Variants in ACIN1 observed in about 807,000 individuals in gnomAD.
The protein encoded by ACIN1 is apoptotic chromatin condensation inducer 1, also known as apoptotic chromatin condensation inducer in the nucleus.
Under a neutral mutation model 146.6 loss-of-function variants are expected in ACIN1, and 16 were observed. That is an observed-to-expected ratio of 0.11 (90% CI 0.07 to 0.17). ACIN1 has a LOEUF of 0.17. ACIN1 is among the 10% of genes least tolerant of loss of function. ACIN1 has a pLI of 1.00. For missense variants in ACIN1, 1,357 were observed against 1,609.3 expected (o/e 0.84, Z 2.68); for synonymous variants, 569 against 582.7 (o/e 0.98, Z 0.34).
At position 23,061,408 on chromosome 14, in the gene ACIN1, C is replaced by T. The variant is rs1566730855; in HGVS notation, c.3314G>A (p.Arg1105His). The T allele has an allele frequency of 6.2e-7, 1 of 1,614,056 alleles. No individual in the cohort carries two copies. The highest frequency in any genetic ancestry group is 1.1e-5 in the South Asian group (1 of 91,080). Residue 1105 changes from arginine to histidine, a missense_variant, in exon 17 of 19, where the codon CGT becomes CAT. Physicochemically the swap from Arg to His is conservative, Grantham distance 29. This residue lies in a region of ACIN1 where 509 missense variants were observed against 719.6 expected (regional missense o/e 0.71). Transcript: ENST00000605057. ...MERRERTRSE[R>H]EWDRDKVREG... is the part of the protein sequence containing the mutation. Reference sequence around the variant, plus strand: ...TCGAACTTTGTCCCGATCCCATTCACGCTCTGATCGAGTCCGCTCCCGCCG... The same window carrying T: ...TCGAACTTTGTCCCGATCCCATTCATGCTCTGATCGAGTCCGCTCCCGCCG...
intron 8 of ACIN1, 33 bp from the exon 9 acceptor site, chr14:23,069,650 G>C: frequency 8.0e-7 from 1 of 1,244,856 alleles, no homozygotes; most frequent in Non-Finnish European, 1.2e-6. Flanking sequence ...GTGGGGGGGC[G>C]GGCAGAAAAG....
In ACIN1 at chr14:23,063,511, C is replaced by A; in HGVS notation, c.2662G>T (p.Ala888Ser). The A allele has an allele frequency of 6.2e-7, 1 of 1,614,162 alleles. No individual in the cohort carries two copies. Residue 888 changes from alanine to serine, a missense_variant, in exon 13 of 19, where the codon GCA (alanine) becomes TCA (serine). By Grantham distance (99) the Ala-to-Ser change is moderately conservative (BLOSUM62 1). This residue lies in a region of ACIN1 where 509 missense variants were observed against 719.6 expected (regional missense o/e 0.71). Coordinates refer to ENST00000605057, the MANE Select transcript of ACIN1 (RefSeq NM_001386863.1). Reference protein sequence around the residue: ...EEEEEEKEPEAEPPVPPQVSV... With the variant: ...EEEEEEKEPESEPPVPPQVSV... ...ACCTGGGGAGGTACAGGAGGTTCTG[C>A]TTCAGGTTCCTTCTCTTCTTCCTCT...
intron 8 of ACIN1, chr14:23,071,590 G>T (rs773452973): frequency 2.0e-6 from 3 of 1,536,944 alleles, no homozygotes; most frequent in Non-Finnish European, 2.6e-6. Flanking sequence ...GTGTGCGGAT[G>T]GGGGAGGGCC....
Position 23,068,274 on chromosome 14 carries a change from C to T in ACIN1, c.2265+1202G>A, listed in dbSNP as rs1312995483. 2 of 985,776 alleles carry T rather than the reference C, an allele frequency of 2.0e-6. No individual in the cohort carries two copies. The highest frequency in any genetic ancestry group is 2.4e-6 in the Non-Finnish European group (2 of 829,974). The allele number at this position is 985,776 out of a possible 1,614,324, so 61.1% of individuals were successfully genotyped here. On this transcript the variant is annotated intron_variant, in intron 9 of 18. Transcript: ENST00000605057. The surrounding 1 kb of genome is among the most constrained non-coding windows in gnomAD (Gnocchi z 4.3). ...GGTCTTGGTGCCCTAGATGGGGATC[C>T]CAACAGTCTGTAGCAAACAAGGCAA...
At position 23,064,448 on chromosome 14, in the gene ACIN1, C is replaced by T. The variant is rs766152645; in HGVS notation, c.2349G>A (p.Glu783=). 2 of 1,614,272 alleles carry T rather than the reference C, an allele frequency of 1.2e-6. No homozygotes were observed. Among genetic ancestry groups the T allele is most frequent in the Non-Finnish European group, 1.7e-6 (2 of 1,180,052 alleles). The change falls in exon 11 of 19, where the codon GAG becomes GAA. Residue 783 remains glutamate (E), a synonymous_variant. Transcript: ENST00000605057. ...GTCGTTTCCGACCAGGCTGGCCCCC[C>T]TCTGTGTCACTGTTTCCAGCTGGCA... ...KGVPAGNSDT[E]GGQPGRKRRW...
intron 1 of ACIN1, chr14:23,094,700 A>AG (rs1049815524): frequency 1.5e-5 from 10 of 657,208 alleles, no homozygotes; most frequent in Non-Finnish European, 2.3e-5. Context: ...ACAAACAAGG[A>AG]GGGGGTGGGG....
chr14:23,061,739 C>T lies in ACIN1; in HGVS notation c.3100-117G>A, dbSNP rs866290206. On this transcript the variant is annotated intron_variant, in intron 16 of 18. Coordinates refer to ENST00000605057, the MANE Select transcript of ACIN1 (RefSeq NM_001386863.1). ...CTGTAATCCCAGCACTTTGGGAGGC[C>T]AAGGCGGTCAGATCACGAGGTCAGG... is the stretch of plus-strand genomic sequence containing the variant. 1,485 of 888,024 alleles carry T rather than the reference C, an allele frequency of 1.7e-3. 25 individuals are homozygous for T. The African/African-American group carries it at 0.022, about 13-fold the overall frequency. The allele number at this position is 888,024 out of a possible 1,614,324, so 55.0% of individuals were successfully genotyped here.
intron 4 of ACIN1, among the ~76,000 whole-genome samples, chr14:23,083,692 G>A (rs1244662005): frequency 6.6e-6 from 1 of 151,788 alleles, no homozygotes; most frequent in African/African-American, 2.4e-5. Flanking sequence ...TCGCGCCACT[G>A]CACTCCAGCC....
At position 23,075,633 on chromosome 14, in the gene ACIN1, T is replaced by C. The variant is rs2047780591; in HGVS notation, c.2123+2518A>G. Among the ~76,000 whole-genome samples the C allele has an allele frequency of 2.6e-5, 4 of 151,342 alleles. No individual in the cohort carries two copies. The South Asian group carries it at 8.4e-4, about 32-fold the overall frequency. ...TTTTTTTTTTTTAACACTTTACTGC[T>C]CTGTTTTTTAAAGTCATATGACTTC... On this transcript the variant is annotated intron_variant, in intron 8 of 18. Coordinates refer to ENST00000605057, the MANE Select transcript of ACIN1 (RefSeq NM_001386863.1).
chr14:23,095,560 AGTAGT>A (rs1395496087), upstream of ACIN1: 1 of 462,638 alleles, frequency 2.2e-6, no homozygotes. Context: ...AAGCTGCCGC[AGTAGT>A]TGGAGTCTAA....
chr14:23,086,078 A>C (rs1246098228), intron 4 of ACIN1, among the ~76,000 whole-genome samples: 2 of 152,250 alleles, frequency 1.3e-5, no homozygotes, highest in African/African-American at 4.8e-5. Flanking sequence ...GAGATCGAAG[A>C]AAAGCCTGTG....
In ACIN1 at chr14:23,080,252, T is replaced by C. The variant is rs757318903; in HGVS notation, c.1083A>G (p.Leu361=). The stretch of plus-strand genomic sequence containing the variant: ...GTGGTGGAGAAGATGCTTCCTTTGT[T>C]AGTAAAGGTGGAGGAGTCTCCTCCT... ...ASEEETPPPL[L]TKEASSPPPH... The change falls in exon 6 of 19, where the codon CTA becomes CTG. Residue 361 remains leucine, a synonymous_variant. Coordinates refer to ENST00000605057, the MANE Select transcript of ACIN1 (RefSeq NM_001386863.1). The C allele has an allele frequency of 5.6e-6, 9 of 1,614,088 alleles. No individual in the cohort carries two copies. Among genetic ancestry groups the C allele is most frequent in the South Asian group, 5.5e-5 (5 of 91,084 alleles).
rs1374767576 is a variant in ACIN1 at position 23,067,557 on chromosome 14, T to A, written c.2266-1549A>T. ...CCCAGTTTCCATGATGTCAAGACAG[T>A]TCACTGGCGGTGGCCAGGCTCAGCG... On this transcript the variant is annotated intron_variant, in intron 9 of 18. Transcript: ENST00000605057. The surrounding 1 kb of genome is among the most constrained non-coding windows in gnomAD (Gnocchi z 4.6). 1.0e-6 allele frequency: 1 copy of A among 985,696 alleles called. No homozygotes were observed. Among genetic ancestry groups the A allele is most frequent in the Non-Finnish European group, 1.2e-6 (1 of 830,064 alleles). The allele number at this position is 985,696 out of a possible 1,614,324, so 61.1% of individuals were successfully genotyped here. A position where few individuals can be genotyped will look rare whatever the true frequency, so the allele number is the denominator to read the frequency against.
chr14:23,064,606 T>G, intron 10 of ACIN1, 118 bp from the exon 11 acceptor site: 1 of 1,419,912 alleles, frequency 7.0e-7, no homozygotes, highest in Non-Finnish European at 9.5e-7. Flanking sequence ...CTTAAAGAAA[T>G]CATATTTGGA....
At chr14:23,070,462 C>G (rs774272769) in intron 8 of ACIN1, among the ~76,000 whole-genome samples, 1 of 152,102 alleles carries the variant, frequency 6.6e-6, no homozygotes, top group Non-Finnish European at 1.5e-5. Flanking sequence ...AGGACACACC[C>G]TCCCCCACAC....
At chr14:23,074,817 G>A (rs2047757153) in intron 8 of ACIN1, among the ~76,000 whole-genome samples, 1 of 152,190 alleles carries the variant, frequency 6.6e-6, no homozygotes, top group South Asian at 2.1e-4. Context: ...ATGTGAATAT[G>A]AGATTCAGAG....
At position 23,061,196 on chromosome 14, in the gene ACIN1, A is replaced by T. The variant is rs1202174058; in HGVS notation, c.3425-12T>A. On this transcript the variant is annotated splice_polypyrimidine_tract_variant and intron_variant, in intron 17 of 18. Coordinates refer to ENST00000605057, the MANE Select transcript of ACIN1 (RefSeq NM_001386863.1). ...CTCCTGGGCTTTCTCTGAGGTGGAA[A>T]AAAGTGAACCAGATATGATGCATCT... 1 of 1,614,034 alleles carries T rather than the reference A, an allele frequency of 6.2e-7. No homozygotes were observed. The highest frequency in any genetic ancestry group is 8.5e-7 in the Non-Finnish European group (1 of 1,180,032).
At chr14:23,095,336 C>A, upstream of ACIN1, 7 of 1,548,522 alleles carry the variant, frequency 4.5e-6, no homozygotes, top group Non-Finnish European at 5.3e-6. Flanking sequence ...CTTTTCTCGC[C>A]CTGCTTTCAG....
intron 8 of ACIN1, among the ~76,000 whole-genome samples, chr14:23,074,117 C>T (rs1448280196): frequency 1.3e-5 from 2 of 151,730 alleles, no homozygotes; most frequent in Non-Finnish European, 2.9e-5. Context: ...GGATCACAGG[C>T]GTGAGCCATC....
Sources: allele counts gnomAD v4.1 joint callset (sites outside exome capture counted in the v4.1 genomes callset), GRCh38; gene constraint gnomAD v4.1.1; regional missense constraint gnomAD v4.1.1; non-coding constraint Gnocchi (gnomAD v3.1); transcripts MANE v1.5; gene names NCBI Gene and HGNC (gene_info 2026-07-23, HGNC 2026-07-21).